The following CCDC149 variants were observed in gnomAD, a reference collection of about 807,000 sequenced individuals.
CCDC149 encodes the protein coiled-coil domain containing 149, also known as coiled-coil domain-containing protein 149.
Under a neutral mutation model 59.9 loss-of-function variants are expected in CCDC149, and 45 were observed. The ratio of observed to expected loss-of-function variants is 0.75; its 90% confidence interval spans 0.59 to 0.96. The LOEUF is 0.96. Among genes scored for constraint, CCDC149 ranks in the 40% least tolerant of loss-of-function variants. The pLI, the probability that CCDC149 is intolerant of heterozygous loss-of-function variation, is 0.00. For missense variants in CCDC149, 584 were observed against 664.7 expected (o/e 0.88, Z 1.33); for synonymous variants, 245 against 260.6 (o/e 0.94, Z 0.58).
In CCDC149 at chr4:24,939,029, C is replaced by T. The variant is rs1202239350; in HGVS notation, c.-65+41040G>A. 2.0e-5 allele frequency among the ~76,000 whole-genome samples: 3 copies of T among 152,224 alleles called. No individual in the cohort carries two copies. In the East Asian group the frequency reaches 5.8e-4, roughly 29 times the overall value. On this transcript the variant is annotated intron_variant, in intron 1 of 12. Coordinates refer to the CCDC149 transcript ENST00000389609. Reference sequence around the variant, plus strand: ...TGCAGTCTTAAATGTCCCTGTCTGACAGCTTTGAAGAGAGTAGTGTTTCTC... The same window carrying T: ...TGCAGTCTTAAATGTCCCTGTCTGATAGCTTTGAAGAGAGTAGTGTTTCTC...
chr4:24,846,084 G>A (rs909387390), intron 4 of CCDC149, among the ~76,000 whole-genome samples: 3 of 152,190 alleles, frequency 2.0e-5, no homozygotes, highest in Non-Finnish European at 2.9e-5. Flanking sequence ...TTTTGGTCAC[G>A]TGGTCTACCC....
chr4:24,871,398 T>G (rs896791373), intron 3 of CCDC149, among the ~76,000 whole-genome samples: 1 of 152,102 alleles, frequency 6.6e-6, no homozygotes, highest in African/African-American at 2.4e-5. Context: ...AGAGAGCAAA[T>G]CATTCCTGGG....
At chr4:24,949,919 A>G (rs1723233537) in intron 1 of CCDC149, among the ~76,000 whole-genome samples, 1 of 152,190 alleles carries the variant, frequency 6.6e-6, no homozygotes, top group Admixed American at 6.5e-5. Context: ...AGGAACCTGC[A>G]GGTGCACAGA....
intron 1 of CCDC149, among the ~76,000 whole-genome samples, chr4:24,952,159 C>T (rs886490387): frequency 3.3e-5 from 5 of 152,180 alleles, no homozygotes; most frequent in Admixed American, 3.3e-4. Flanking sequence ...GTGAAGCATA[C>T]GTGTACACAT....
At chr4:24,912,036 G>A (rs190866492) in intron 1 of CCDC149, among the ~76,000 whole-genome samples, 1 of 152,290 alleles carries the variant, frequency 6.6e-6, no homozygotes, top group East Asian at 1.9e-4. Context: ...GCCTCCAGGT[G>A]AGAGGGAGAA....
In CCDC149 at chr4:24,837,416, G is replaced by C. The variant is rs748700027; in HGVS notation, c.490-16C>G. ...GAGACTCAATCTAAAACCACAGGGA[G>C]AGCCCTTACTCAAGATGTTCCTCAG... is the stretch of plus-strand genomic sequence containing the variant. On this transcript the variant is annotated splice_polypyrimidine_tract_variant and intron_variant, in intron 5 of 12. Coordinates refer to ENST00000635206, the MANE Select transcript of CCDC149 (RefSeq NM_001330643.2). The surrounding 1 kb of genome is among the most constrained non-coding windows in gnomAD (Gnocchi z 4.3). The C allele has an allele frequency of 1.2e-6, 2 of 1,613,248 alleles. No individual in the cohort carries two copies. The highest frequency in any genetic ancestry group is 1.3e-5 in the African/African-American group (1 of 74,902).
intron 1 of CCDC149, among the ~76,000 whole-genome samples, chr4:24,930,054 A>C (rs908679951): frequency 6.6e-6 from 1 of 152,212 alleles, no homozygotes; most frequent in African/African-American, 2.4e-5. Flanking sequence ...ACACTTTTAC[A>C]CCTTTCCTCT....
intron 9 of CCDC149, among the ~76,000 whole-genome samples, chr4:24,825,340 C>G (rs1715659095): frequency 6.6e-6 from 1 of 152,164 alleles, no homozygotes; most frequent in South Asian, 2.1e-4. Context: ...CACAGATGCT[C>G]CCTTGGTGTC....
chr4:24,877,069 A>T (rs1231106248), intron 1 of CCDC149, among the ~76,000 whole-genome samples: 3 of 152,228 alleles, frequency 2.0e-5, no homozygotes, highest in African/African-American at 7.2e-5. Flanking sequence ...AAATGTTACT[A>T]ACGATAAACT....
intron 1 of CCDC149, among the ~76,000 whole-genome samples, chr4:24,892,111 T>G (rs780687170): frequency 3.9e-5 from 6 of 152,078 alleles, no homozygotes; most frequent in Non-Finnish European, 5.9e-5. Context: ...CAAAAGGAGA[T>G]GAAATTCAGA....
At chr4:24,961,484 A>C (rs1226201777) in intron 1 of CCDC149, among the ~76,000 whole-genome samples, 2 of 152,198 alleles carry the variant, frequency 1.3e-5, no homozygotes, top group African/African-American at 2.4e-5. Context: ...GGACCCAAAA[A>C]AGAGCCCACA....
intron 3 of CCDC149, among the ~76,000 whole-genome samples, chr4:24,863,175 C>G (rs954504342): frequency 3.3e-5 from 5 of 152,132 alleles, no homozygotes; most frequent in African/African-American, 1.2e-4. Flanking sequence ...CACCCGTAGT[C>G]CCAGCTACTC....
At chr4:24,858,867 G>A (rs752252387) in intron 3 of CCDC149, among the ~76,000 whole-genome samples, 3 of 152,156 alleles carry the variant, frequency 2.0e-5, no homozygotes, top group African/African-American at 4.8e-5. Context: ...AATCCTCACC[G>A]AGGTAGGTTA....
At chr4:24,838,806 T>A (rs1055780750) in intron 4 of CCDC149, among the ~76,000 whole-genome samples, 3 of 150,542 alleles carry the variant, frequency 2.0e-5, no homozygotes, top group Non-Finnish European at 4.4e-5. Context: ...AAAAACCAAC[T>A]AGAAACAATG....
intron 1 of CCDC149, among the ~76,000 whole-genome samples, chr4:24,938,260 G>C (rs531365247): frequency 6.6e-6 from 1 of 152,290 alleles, no homozygotes; most frequent in African/African-American, 2.4e-5. Flanking sequence ...AATCCTAAAA[G>C]AGGAATATTA....
chr4:24,945,987 A>G (rs1481139414), intron 1 of CCDC149, among the ~76,000 whole-genome samples: 1 of 152,196 alleles, frequency 6.6e-6, no homozygotes, highest in South Asian at 2.1e-4. Context: ...CTTGAGAACC[A>G]TTGTTCCAGG....
At chr4:24,878,997 A>C (rs1260719492) in intron 1 of CCDC149, among the ~76,000 whole-genome samples, 1 of 152,238 alleles carries the variant, frequency 6.6e-6, no homozygotes, top group Non-Finnish European at 1.5e-5. Context: ...ACAGGCACAG[A>C]GGCCTCTGCT....
chr4:24,919,638 C>A (rs189685737), intron 1 of CCDC149, among the ~76,000 whole-genome samples: 2 of 152,242 alleles, frequency 1.3e-5, no homozygotes, highest in East Asian at 3.9e-4. Context: ...TATAGGAAAA[C>A]AAGGAGCAAT....
intron 12 of CCDC149, among the ~76,000 whole-genome samples, chr4:24,816,009 T>G (rs1714991132): frequency 6.6e-6 from 1 of 152,086 alleles, no homozygotes; most frequent in Non-Finnish European, 1.5e-5. Context: ...GGAGCCAGGG[T>G]CTAGGACAGG....
Sources: allele counts gnomAD v4.1 joint callset (sites outside exome capture counted in the v4.1 genomes callset), GRCh38; gene constraint gnomAD v4.1.1; non-coding constraint Gnocchi (gnomAD v3.1); transcripts MANE v1.5; gene names NCBI Gene and HGNC (gene_info 2026-07-23, HGNC 2026-07-21).